Variants in IRF7 observed in about 807,000 individuals in gnomAD.
IRF7 encodes interferon regulatory factor 7.
Under a neutral mutation model 51.3 loss-of-function variants are expected in IRF7, and 67 were observed. That is an observed-to-expected ratio of 1.31 (90% confidence interval 1.07 to 1.60). IRF7 has a LOEUF of 1.60. Among genes scored for constraint, IRF7 ranks in the 40% most tolerant of loss-of-function variants. The probability of loss-of-function intolerance (pLI) is 0.00; values close to 1 mark genes in which losing one functional copy is unlikely to be tolerated. For synonymous variants in IRF7, 427 were observed against 301.3 expected (o/e 1.42, Z -4.32); for missense variants, 873 against 701.5 (o/e 1.24, Z -2.76).
rs757665548 is a variant in IRF7, at chr11:614,413, T to A, written c.454-14A>T. 5 of 1,594,516 alleles carry A rather than the reference T, an allele frequency of 3.1e-6. No individual in the cohort carries two copies. In the African/African-American group the frequency reaches 5.4e-5, roughly 17 times the overall value. ...TGGGGGCCCACCCTGCAGGGAAAAGTCAGGGTGAACGTAAGCAGCTCCGCG... is the reference window on the plus strand; with the variant it reads ...TGGGGGCCCACCCTGCAGGGAAAAGACAGGGTGAACGTAAGCAGCTCCGCG... On this transcript the variant is annotated splice_polypyrimidine_tract_variant and intron_variant, in intron 5 of 10. Coordinates refer to ENST00000525445, the MANE Select transcript of IRF7 (RefSeq NM_001572.5).
intron 10 of IRF7, 32 bp from the exon 11 acceptor site, chr11:612,832 C>T: frequency 6.3e-7 from 1 of 1,599,284 alleles, no homozygotes. Flanking sequence ...CTGTCAGTGA[C>T]CCGGCGTGTG....
Position 614,293 on chromosome 11 carries a change from A to G in IRF7, c.560T>C (p.Val187Ala), listed in dbSNP as rs763883439. Residue 187 changes from valine to alanine, a missense_variant, in exon 6 of 11, where the codon GTG becomes GCG. Physicochemically the swap from Val to Ala is moderately conservative, Grantham distance 64 (BLOSUM62 0). Transcript: ENST00000525445. The part of the protein sequence containing the change: ...GDKGDLLLQA[V>A]QQSCLADHLL... ...ATGGTCTGCCAGGCAGCTCTGTTGC[A>G]CTGCCTGGAGCAGGAGGTCCCCCTT... The G allele has an allele frequency of 1.9e-6, 3 of 1,611,990 alleles. No individual in the cohort carries two copies. The highest frequency in any genetic ancestry group is 2.5e-6 in the Non-Finnish European group (3 of 1,179,490).
rs765211324 is a variant in IRF7 at position 614,276 on chromosome 11, C to T, written c.577G>A (p.Ala193Thr). The change falls in exon 6 of 11, where the codon GCA (alanine) becomes ACA (threonine). Residue 193 changes from alanine (A) to threonine (T), a missense_variant. By Grantham distance (58) the Ala-to-Thr change is moderately conservative. Transcript: ENST00000525445. ...LLQAVQQSCL[A>T]DHLLTASWGA... ...CATGACGCTGTCAGCAGATGGTCTG[C>T]CAGGCAGCTCTGTTGCACTGCCTGG... 7 of 1,612,238 alleles carry T rather than the reference C, an allele frequency of 4.3e-6. No homozygotes were observed. Among genetic ancestry groups the T allele is most frequent in the Non-Finnish European group, 5.1e-6 (6 of 1,179,674 alleles).
At chr11:614,143 G>A (rs756174888) in intron 6 of IRF7, 31 bp downstream of exon 6, 7 of 1,582,740 alleles carry the variant, frequency 4.4e-6, no homozygotes, top group Admixed American at 3.4e-5. Context: ...GGCCCCTCCC[G>A]CGCTCCCCCC....
At position 614,355 on chromosome 11, in the gene IRF7, G is replaced by A. The variant is rs774919086; in HGVS notation, c.498C>T (p.Leu166=). ...GPFLAHTHAG[L]QAPGPLPAPA... ...GGGCAGGGAGGGGGCCTGGGGCTTG[G>A]AGTCCAGCATGTGTGTGTGCCAGGA... Residue 166 remains leucine (L), a synonymous_variant, in exon 6 of 11, where the codon CTC becomes CTT. Transcript: ENST00000525445. 3.1e-6 allele frequency: 5 copies of A among 1,609,962 alleles called. No individual in the cohort carries two copies.
At position 614,390 on chromosome 11, in the gene IRF7, G is replaced by A. The variant is rs1341819759; in HGVS notation, c.463C>T (p.Pro155Ser). The A allele has an allele frequency of 4.4e-6, 7 of 1,604,546 alleles. No individual in the cohort carries two copies. Among genetic ancestry groups the A allele is most frequent in the Non-Finnish European group, 6.0e-6 (7 of 1,176,334 alleles). ...TGTGTGTGTGCCAGGAATGGCCCTGGGGGCCCACCCTGCAGGGAAAAGTCA... is the reference window on the plus strand; with the variant it reads ...TGTGTGTGTGCCAGGAATGGCCCTGAGGGCCCACCCTGCAGGGAAAAGTCA... ...AAVPPPQGGP[P>S]GPFLAHTHAG... is the part of the protein sequence containing the mutation. The change falls in exon 6 of 11, where the codon CCA becomes TCA. Residue 155 changes from proline (P) to serine (S), a missense_variant. Coordinates refer to ENST00000525445, the MANE Select transcript of IRF7 (RefSeq NM_001572.5).
rs770474804 is a variant in IRF7 at position 615,327 on chromosome 11, G to A, written c.20+18C>T. ...CGCTCGGGGACTGGCATCTGGAGAG[G>A]GTGGGCCGGGCTCTTACCTCTCAGG... On this transcript the variant is annotated intron_variant, in intron 2 of 10. Coordinates refer to ENST00000525445, the MANE Select transcript of IRF7 (RefSeq NM_001572.5). 2 of 1,553,882 alleles carry A rather than the reference G, an allele frequency of 1.3e-6. No individual in the cohort carries two copies. Among genetic ancestry groups the A allele is most frequent in the Middle Eastern group, 1.7e-4 (1 of 5,866 alleles).
Position 614,486 on chromosome 11 carries a change from G to A in IRF7, c.443C>T (p.Pro148Leu), listed in dbSNP as rs1363166701. Residue 148 changes from proline to leucine, a missense_variant, in exon 5 of 11, where the codon CCA becomes CTA. Pro to Leu is a moderately conservative substitution (Grantham distance 98). Coordinates refer to ENST00000525445, the MANE Select transcript of IRF7 (RefSeq NM_001572.5). The part of the protein sequence containing the change: ...QTEAEAPAAV[P>L]PPQGGPPGPF... ...CAGAGAGAAGGGTACCTGTGGTGGT[G>A]GGACAGCTGCGGGGGCCTCTGCCTC... The A allele has an allele frequency of 3.2e-6, 5 of 1,564,544 alleles. No homozygotes were observed. The highest frequency in any genetic ancestry group is 4.3e-6 in the Non-Finnish European group (5 of 1,154,300).
In IRF7 at chr11:613,504, T is replaced by C. The variant is rs764551322; in HGVS notation, c.939A>G (p.Leu313=). The C allele has an allele frequency of 2.6e-6, 4 of 1,553,600 alleles. No individual in the cohort carries two copies. The highest frequency in any genetic ancestry group is 3.5e-6 in the Non-Finnish European group (4 of 1,152,728). The change falls in exon 9 of 11, where the codon CTA becomes CTG. Residue 313 remains leucine (L), a synonymous_variant. Transcript: ENST00000525445. Reference sequence around the variant, plus strand: ...GGACAGCTGGGTCTGGGGGGCCGTATAGGAACGTGCAGCTCGGGTGTCCCA... The same window carrying C: ...GGACAGCTGGGTCTGGGGGGCCGTACAGGAACGTGCAGCTCGGGTGTCCCA... ...KVVGHPSCTF[L]YGPPDPAVRA...
intron 4 of IRF7, 39 bp downstream of exon 4, chr11:614,758 G>A: frequency 2.6e-6 from 4 of 1,515,832 alleles, no homozygotes; most frequent in Non-Finnish European, 3.5e-6. Flanking sequence ...TGCCCAAGCA[G>A]GACGAATGCC....
rs778976185 is a variant in IRF7 at position 614,924 on chromosome 11, G to C, written c.267C>G (p.Ala89=). 6.3e-7 allele frequency: 1 copy of C among 1,583,756 alleles called. No individual in the cohort carries two copies. Among genetic ancestry groups the C allele is most frequent in the South Asian group, 1.1e-5 (1 of 87,776 alleles). Residue 89 remains alanine, a synonymous_variant, in exon 4 of 11, where the codon GCC becomes GCG. Coordinates refer to ENST00000525445, the MANE Select transcript of IRF7 (RefSeq NM_001572.5). The part of the protein sequence containing the change: ...PPPEAETAER[A]GWKTNFRCAL... ...CGCAGCGGAAGTTGGTTTTCCAGCC[G>C]GCGCGCTCCGCAGTCTCAGCCTCGG...
chr11:613,746 TGGGCGGGGACAGGC>T lies in IRF7; in HGVS notation c.847+25_847+38del, dbSNP rs775739248. 1.4e-5 allele frequency: 12 copies of T among 867,030 alleles called. No individual in the cohort carries two copies. In the East Asian group the frequency reaches 6.0e-4, roughly 43 times the overall value. The allele number at this position is 867,030 out of a possible 1,614,324, so 53.7% of individuals were successfully genotyped here. ...GGGGACAAGCCGTGAGTGACGGGGG[TGGGCGGGGACAGGC>T]TGCCCCTTCCTGGGATGCACTCACC... On this transcript the variant is annotated intron_variant, in intron 8 of 10. Coordinates refer to ENST00000525445, the MANE Select transcript of IRF7 (RefSeq NM_001572.5).
chr11:613,620 G>T, intron 8 of IRF7, 25 bp from the exon 9 acceptor site: 1 of 1,448,968 alleles, frequency 6.9e-7, no homozygotes. Flanking sequence ...AGCTGTGAGT[G>T]ACGGGGGTGG....
chr11:615,532 T>G lies in IRF7; in HGVS notation c.-168A>C. The G allele has an allele frequency of 1.4e-6, 1 of 699,912 alleles. No homozygotes were observed. The highest frequency in any genetic ancestry group is 2.3e-6 in the Non-Finnish European group (1 of 443,128). 43.4% of individuals were successfully genotyped at this position (699,912 alleles called of 1,614,324 possible). A position where few individuals can be genotyped will look rare whatever the true frequency, so the allele number is the denominator to read the frequency against. On this transcript the variant is annotated 5_prime_UTR_variant, in exon 2 of 11. Coordinates refer to ENST00000525445, the MANE Select transcript of IRF7 (RefSeq NM_001572.5). The stretch of plus-strand genomic sequence containing the variant: ...TGTAGCCACCGACGCTGCCTCGGTA[T>G]GGATCTCTTGGCAGAGGGGGCTACA...
In IRF7 at chr11:613,966, C is replaced by G. The variant is rs888494437; in HGVS notation, c.751G>C (p.Ala251Pro). The G allele has an allele frequency of 2.7e-4, 441 of 1,606,312 alleles. No individual in the cohort carries two copies. Among genetic ancestry groups the G allele is most frequent in the Non-Finnish European group, 3.6e-4 (425 of 1,177,976 alleles). ...CCCCTCTCACCTGTCGTTAGTGCCG[C>G]GGGCTGGGGCCCGGGGCTGGGGGTC... ...ETTPSPGPQP[A>P]ALTTGEAAAP... The change falls in exon 7 of 11, where the codon GCG becomes CCG. Residue 251 changes from alanine to proline, a missense_variant. Transcript: ENST00000525445.
rs200469975 is a variant in IRF7 at position 612,818 on chromosome 11, G to A, written c.1357-18C>T. On this transcript the variant is annotated intron_variant, in intron 10 of 10. Transcript: ENST00000525445. ...GGTTCCAGCTGCCAGGAGGGATCGG[G>A]CGTCTGTCAGTGACCCGGCGTGTGT... 882 of 1,594,122 alleles carry A rather than the reference G, an allele frequency of 5.5e-4. 3 individuals carry two copies. The highest frequency in any genetic ancestry group is 2.1e-3 in the Middle Eastern group (12 of 5,668).
In IRF7 at chr11:614,036, G is replaced by T; in HGVS notation, c.681C>A (p.Gly227=). The change falls in exon 7 of 11, where the codon GGC becomes GGA. Residue 227 remains glycine (G), a splice_region_variant and synonymous_variant. Transcript: ENST00000525445. ...ACAGCTCCCCAGCAGGGAGCCCTGGGCCTGAGGAGGGGAGGACAGTGGGAA... is the reference window on the plus strand; with the variant it reads ...ACAGCTCCCCAGCAGGGAGCCCTGGTCCTGAGGAGGGGAGGACAGTGGGAA... ...GLPLTGACAG[G]PGLPAGELYG... 6.2e-7 allele frequency: 1 copy of T among 1,606,878 alleles called. No individual in the cohort carries two copies. Among genetic ancestry groups the T allele is most frequent in the East Asian group, 2.2e-5 (1 of 44,626 alleles).
chr11:614,912 G>A lies in IRF7; in HGVS notation c.279C>T (p.Thr93=), dbSNP rs1381169780. 2 of 1,588,710 alleles carry A rather than the reference G, an allele frequency of 1.3e-6. No homozygotes were observed. Among genetic ancestry groups the A allele is most frequent in the Non-Finnish European group, 1.7e-6 (2 of 1,170,364 alleles). ...TGCTGCGCAGTGCGCAGCGGAAGTTGGTTTTCCAGCCGGCGCGCTCCGCAG... is the reference window on the plus strand; with the variant it reads ...TGCTGCGCAGTGCGCAGCGGAAGTTAGTTTTCCAGCCGGCGCGCTCCGCAG... ...AETAERAGWK[T]NFRCALRSTR... Residue 93 remains threonine (T), a synonymous_variant, in exon 4 of 11, where the codon ACC becomes ACT. Coordinates refer to ENST00000525445, the MANE Select transcript of IRF7 (RefSeq NM_001572.5).
In IRF7 at chr11:614,392, G is replaced by GGC; in HGVS notation, c.459_460dup (p.Pro154ArgfsTer45). 6.2e-7 allele frequency: 1 copy of GGC among 1,603,148 alleles called. No individual in the cohort carries two copies. The highest frequency in any genetic ancestry group is 8.5e-7 in the Non-Finnish European group (1 of 1,175,616). ...TGTGTGTGCCAGGAATGGCCCTGGG[G>GGC]GCCCACCCTGCAGGGAAAAGTCAGG... On this transcript the variant is annotated frameshift_variant, in exon 6 of 11. Coordinates refer to ENST00000525445, the MANE Select transcript of IRF7 (RefSeq NM_001572.5). LOFTEE classifies it high-confidence loss of function.
Sources: allele counts gnomAD v4.1 joint callset, GRCh38; gene constraint gnomAD v4.1.1; transcripts MANE v1.5; gene names NCBI Gene and HGNC (gene_info 2026-07-23, HGNC 2026-07-21).